The following EIF3H variants were observed in gnomAD, a reference collection of about 807,000 sequenced individuals.
The protein encoded by EIF3H is eIF-3-gamma.
A neutral mutation model predicts 44.2 loss-of-function variants in EIF3H; 26 were observed. The ratio of observed to expected loss-of-function variants is 0.59; its 90% CI spans 0.43 to 0.82. The LOEUF (loss-of-function observed/expected upper bound fraction) is 0.82. Ranked by LOEUF, EIF3H falls within the 40% of genes least tolerant of loss-of-function variation. The probability of loss-of-function intolerance (pLI) is 0.00; values close to 1 mark genes in which losing one functional copy is unlikely to be tolerated. For synonymous variants in EIF3H, 166 were observed against 151.9 expected, an observed-to-expected ratio of 1.09 and a Z score of -0.68; for missense variants, 359 against 432.8, an observed-to-expected ratio of 0.83 and a Z score of 1.51.
At chr8:116,744,934 T>G (rs577835933) in intron 1 of EIF3H, among the ~76,000 whole-genome samples, 2 of 152,318 alleles carry the variant, frequency 1.3e-5, no homozygotes, top group Non-Finnish European at 2.9e-5. Flanking sequence ...CTCCAAGGTA[T>G]GGGCTAGGAC....
chr8:116,650,208 G>A (rs1389188758), intron 5 of EIF3H, among the ~76,000 whole-genome samples: 1 of 152,174 alleles, frequency 6.6e-6, no homozygotes, highest in East Asian at 1.9e-4. Flanking sequence ...GGAGAAACCA[G>A]GAGGTTAGTT....
intron 2 of EIF3H, among the ~76,000 whole-genome samples, chr8:116,699,526 T>C (rs948304849): frequency 5.3e-4 from 81 of 152,076 alleles, no homozygotes; most frequent in African/African-American, 1.9e-3. Context: ...AAGATGAGAA[T>C]AGAAGACACT....
intron 1 of EIF3H, among the ~76,000 whole-genome samples, chr8:116,740,758 C>T (rs1489333946): frequency 6.6e-6 from 1 of 152,082 alleles, no homozygotes; most frequent in East Asian, 1.9e-4. Flanking sequence ...GACTAACTCC[C>T]CAACCCTGTA....
chr8:116,665,062 A>T (rs1193530123), intron 2 of EIF3H, among the ~76,000 whole-genome samples: 1 of 152,212 alleles, frequency 6.6e-6, no homozygotes, highest in African/African-American at 2.4e-5. Flanking sequence ...TACCACAGCT[A>T]TTACTTCAGA....
intron 2 of EIF3H, among the ~76,000 whole-genome samples, chr8:116,685,586 T>G (rs1251759851): frequency 6.6e-6 from 1 of 152,288 alleles, no homozygotes; most frequent in African/African-American, 2.4e-5. Flanking sequence ...GATTCATCAA[T>G]CTATTCTGCT....
chr8:116,709,001 A>C (rs1004457919), intron 2 of EIF3H, among the ~76,000 whole-genome samples: 2 of 150,942 alleles, frequency 1.3e-5, no homozygotes, highest in Non-Finnish European at 2.9e-5. Flanking sequence ...TCTTTAAAAA[A>C]AAAAAAAAAT....
intron 1 of EIF3H, among the ~76,000 whole-genome samples, chr8:116,735,706 T>C (rs551929289): frequency 2.0e-5 from 3 of 151,800 alleles, no homozygotes; most frequent in African/African-American, 7.3e-5. Context: ...CTTGGCCCCA[T>C]GTGGATCATC....
At chr8:116,672,462 T>A (rs1474584332) in intron 2 of EIF3H, among the ~76,000 whole-genome samples, 2 of 151,926 alleles carry the variant, frequency 1.3e-5, no homozygotes, top group South Asian at 2.1e-4. Flanking sequence ...TACAAAAAAA[T>A]TTTAAAAATT....
Position 116,736,550 on chromosome 8 carries a change from T to C in EIF3H, c.133-10378A>G, listed in dbSNP as rs560423839. On this transcript the variant is annotated intron_variant, in intron 1 of 7. Transcript: ENST00000521861. ...GGTGGCACGCGCCTATAGTTCCAGC[T>C]ACTTGGGAGGCTGAGGCAGGGGAAC... Among the ~76,000 whole-genome samples the C allele has an allele frequency of 2.6e-5, 4 of 152,146 alleles. No homozygotes were observed. The South Asian group carries it at 6.2e-4, about 24-fold the overall frequency.
chr8:116,644,146 T>G lies in EIF3H; in HGVS notation c.*860A>C, dbSNP rs1813262864. On this transcript the variant is annotated 3_prime_UTR_variant, in exon 8 of 8. Coordinates refer to ENST00000521861, the MANE Select transcript of EIF3H (RefSeq NM_003756.3). Reference sequence around the variant, plus strand: ...GGCTCATGCCTGTATTCCCAGCACTTTGGGAGACAGAAGCAGGTGAATCAC... The same window carrying G: ...GGCTCATGCCTGTATTCCCAGCACTGTGGGAGACAGAAGCAGGTGAATCAC... The G allele has an allele frequency of 6.6e-6, 1 of 152,204 alleles. No homozygotes were observed. Among genetic ancestry groups the G allele is most frequent in the African/African-American group, 2.4e-5 (1 of 41,416 alleles). The allele number at this position is 152,204 out of a possible 1,614,324, so 9.4% of individuals were successfully genotyped here.
At chr8:116,762,480 T>C (rs1011158896) in intron 1 of EIF3H, among the ~76,000 whole-genome samples, 6 of 152,186 alleles carry the variant, frequency 3.9e-5, no homozygotes, top group African/African-American at 1.2e-4. Context: ...CACATCCAAA[T>C]TCCAGGGAGT....
intron 2 of EIF3H, among the ~76,000 whole-genome samples, chr8:116,676,236 G>C (rs1446950747): frequency 6.6e-6 from 1 of 152,204 alleles, no homozygotes; most frequent in Non-Finnish European, 1.5e-5. Context: ...ATACTAATGA[G>C]AGAAAGAATA....
At chr8:116,661,606 A>G (rs1466201329) in intron 2 of EIF3H, among the ~76,000 whole-genome samples, 1 of 152,208 alleles carries the variant, frequency 6.6e-6, no homozygotes, top group Admixed American at 6.5e-5. Flanking sequence ...TAAATAAAGA[A>G]TTTTCTATTA....
At chr8:116,755,547 A>C (rs1815426024) in intron 1 of EIF3H, 119 bp downstream of exon 1, 1 of 1,365,440 alleles carries the variant, frequency 7.3e-7, no homozygotes, top group Non-Finnish European at 9.9e-7. Flanking sequence ...CGTACTAGGG[A>C]AAAACTTTGG....
chr8:116,755,982 C>T (rs914528529), upstream of EIF3H: 2 of 1,536,064 alleles, frequency 1.3e-6, no homozygotes, highest in African/African-American at 1.4e-5. Context: ...TTTGTGCATG[C>T]CTACTGTACA....
chr8:116,672,658 T>C (rs1156416349), intron 2 of EIF3H, among the ~76,000 whole-genome samples: 1 of 151,378 alleles, frequency 6.6e-6, no homozygotes, highest in East Asian at 1.9e-4. Context: ...AAAAAAAAAC[T>C]TGAAACAGTG....
At chr8:116,718,269 A>G (rs1420151724) in intron 2 of EIF3H, among the ~76,000 whole-genome samples, 2 of 152,170 alleles carry the variant, frequency 1.3e-5, no homozygotes, top group Non-Finnish European at 2.9e-5. Flanking sequence ...TTTTGGTGGG[A>G]ATGTAAACTA....
chr8:116,700,182 T>C (rs1163429424), intron 2 of EIF3H, among the ~76,000 whole-genome samples: 1 of 152,210 alleles, frequency 6.6e-6, no homozygotes, highest in Non-Finnish European at 1.5e-5. Flanking sequence ...AAGTTGCCAC[T>C]TAGAAGTCTG....
intron 2 of EIF3H, among the ~76,000 whole-genome samples, chr8:116,668,112 G>A (rs1039091211): frequency 6.6e-6 from 1 of 152,060 alleles, no homozygotes; most frequent in Non-Finnish European, 1.5e-5. Context: ...TCCAACACTC[G>A]GGTTATAATA....
Sources: allele counts gnomAD v4.1 joint callset (sites outside exome capture counted in the v4.1 genomes callset), GRCh38; gene constraint gnomAD v4.1.1; transcripts MANE v1.5; gene names NCBI Gene and HGNC (gene_info 2026-07-23, HGNC 2026-07-21).